Variants in DLEC1 observed in about 807,000 individuals in gnomAD.
DLEC1 encodes deleted in lung and esophageal cancer protein 1.
DLEC1 carries 146 observed loss-of-function variants against 198.1 expected under a neutral mutation model. The observed-to-expected ratio is 0.74, with a 90% CI of 0.64 to 0.85. DLEC1 has a LOEUF of 0.85. DLEC1 is among the 40% of genes least tolerant of loss of function. The probability of loss-of-function intolerance (pLI) is 0.00; values close to 1 mark genes in which losing one functional copy is unlikely to be tolerated. For missense variants in DLEC1, 2,233 were observed against 2,220.0 expected, an observed-to-expected ratio of 1.01 and a Z score of -0.12; for synonymous variants, 897 against 866.8, an observed-to-expected ratio of 1.03 and a Z score of -0.61.
Position 38,109,429 on chromosome 3 carries a change from T to C in DLEC1, c.3130-3T>C. The stretch of plus-strand genomic sequence containing the variant: ...TCTGACCCCTGGATGGGCTTTCTTA[T>C]AGGAAGAGCTGACCCATCTGGCCCT... On this transcript the variant is annotated splice_polypyrimidine_tract_variant and splice_region_variant and intron_variant, in intron 21 of 36. Transcript: ENST00000308059. 1.9e-6 allele frequency: 3 copies of C among 1,614,100 alleles called. No individual in the cohort carries two copies. Among genetic ancestry groups the C allele is most frequent in the Non-Finnish European group, 1.7e-6 (2 of 1,179,972 alleles).
chr3:38,085,216 C>T, intron 7 of DLEC1, 58 bp from the exon 8 acceptor site: 9 of 1,595,574 alleles, frequency 5.6e-6, no homozygotes, highest in Non-Finnish European at 7.7e-6. Context: ...CAGCTGAGCT[C>T]AAGCCCTGGT....
chr3:38,121,900 C>T, intron 35 of DLEC1, 119 bp downstream of exon 35: 1 of 1,513,344 alleles, frequency 6.6e-7, no homozygotes, highest in Non-Finnish European at 8.9e-7. Context: ...GCAGGCACCA[C>T]TTGGAATTTC....
At chr3:38,122,240 C>T (rs1226272011) in intron 36 of DLEC1, 46 bp downstream of exon 36, 29 of 1,608,542 alleles carry the variant, frequency 1.8e-5, no homozygotes, top group East Asian at 4.5e-5. Flanking sequence ...AGAGCCTGGA[C>T]CCCCTGCCCA....
At chr3:38,097,296 G>A in intron 16 of DLEC1, 21 bp downstream of exon 16, 1 of 1,565,834 alleles carries the variant, frequency 6.4e-7, no homozygotes, top group Non-Finnish European at 8.7e-7. Flanking sequence ...GACTGCAGGA[G>A]GGGTTGTGAC....
intron 2 of DLEC1, among the ~76,000 whole-genome samples, chr3:38,046,924 A>G (rs1432331496): frequency 6.6e-6 from 1 of 152,154 alleles, no homozygotes; most frequent in African/African-American, 2.4e-5. Flanking sequence ...CCAGACTTAT[A>G]TTCTGTAGGA....
intron 33 of DLEC1, among the ~76,000 whole-genome samples, chr3:38,119,827 C>T (rs889340362): frequency 6.6e-6 from 1 of 152,160 alleles, no homozygotes; most frequent in Non-Finnish European, 1.5e-5. Flanking sequence ...AGCCACTGCT[C>T]CCAGCAAATT....
chr3:38,082,596 C>T (rs1267381327), intron 6 of DLEC1, among the ~76,000 whole-genome samples: 1 of 152,138 alleles, frequency 6.6e-6, no homozygotes, highest in African/African-American at 2.4e-5. Context: ...ATTGGGGGTT[C>T]TTGCCCCCTA....
At chr3:38,054,208 A>C (rs76802412) in intron 2 of DLEC1, among the ~76,000 whole-genome samples, 1 of 71,464 alleles carries the variant, frequency 1.4e-5, no homozygotes, top group East Asian at 9.4e-4. Flanking sequence ...AAAAAAAAAA[A>C]CAAAACAAAA....
At chr3:38,057,428 G>A (rs1301286085) in intron 2 of DLEC1, among the ~76,000 whole-genome samples, 1 of 151,960 alleles carries the variant, frequency 6.6e-6, no homozygotes, top group African/African-American at 2.4e-5. Flanking sequence ...GGAAGCAGAA[G>A]TTGCAGTGAG....
At chr3:38,064,040 T>G in intron 6 of DLEC1, 121 bp downstream of exon 6, 14 of 646,490 alleles carry the variant, frequency 2.2e-5, no homozygotes, top group East Asian at 3.1e-5. Context: ...TTATTGATCA[T>G]TCTTGGGTGT....
chr3:38,055,388 A>G (rs1696303392), intron 2 of DLEC1, among the ~76,000 whole-genome samples: 1 of 152,218 alleles, frequency 6.6e-6, no homozygotes. Flanking sequence ...AGCACAAATT[A>G]CAGAGAGCAG....
At chr3:38,048,456 G>C (rs1242914601) in intron 2 of DLEC1, among the ~76,000 whole-genome samples, 1 of 152,244 alleles carries the variant, frequency 6.6e-6, no homozygotes, top group African/African-American at 2.4e-5. Context: ...GCCTTAAAAG[G>C]CATTTAAACT....
chr3:38,079,146 G>A lies in DLEC1; in HGVS notation c.1174-5012G>A, dbSNP rs1440477007. 2.6e-4 allele frequency among the ~76,000 whole-genome samples: 39 copies of A among 151,916 alleles called. 1 individual carries two copies. In the East Asian group the frequency reaches 5.8e-3, roughly 23 times the overall value. On this transcript the variant is annotated intron_variant, in intron 6 of 36. Coordinates refer to ENST00000308059, the MANE Select transcript of DLEC1 (RefSeq NM_007335.4). ...TAAGGTGGGGGAATACAAGAGGAGG[G>A]CCCAAAGGAGGCTTTGGATTGGGAA...
intron 6 of DLEC1, among the ~76,000 whole-genome samples, chr3:38,080,658 G>T (rs574782827): frequency 6.5e-4 from 99 of 152,264 alleles, no homozygotes; most frequent in African/African-American, 2.1e-3. Context: ...TAGGTCAGGT[G>T]TGAGTTGAAG....
In DLEC1 at chr3:38,108,446, C is replaced by T; in HGVS notation, c.3060C>T (p.Ser1020=). ...HQAEFCMVTV[S]PKHGLLGPSE... ...CAGAATTCTGCATGGTGACAGTCTC[C>T]CCCAAACATGGCCTGCTGGGCCCAA... Residue 1020 remains serine, a synonymous_variant, in exon 21 of 37, where the codon TCC becomes TCT. Transcript: ENST00000308059. The T allele has an allele frequency of 6.2e-7, 1 of 1,614,184 alleles. No homozygotes were observed. Among genetic ancestry groups the T allele is most frequent in the Non-Finnish European group, 8.5e-7 (1 of 1,180,022 alleles).
intron 19 of DLEC1, among the ~76,000 whole-genome samples, chr3:38,104,632 C>T (rs1699476199): frequency 6.6e-6 from 1 of 152,110 alleles, no homozygotes; most frequent in Admixed American, 6.5e-5. Flanking sequence ...GTAGTGATGT[C>T]CCCACTTTCA....
chr3:38,107,544 C>T lies in DLEC1; in HGVS notation c.2865-40C>T, dbSNP rs571800664. ...AGAAATAGGGACAGCTTTACTTCTT[C>T]TTTTCTAATCAGTATGCCTTTTGTT... On this transcript the variant is annotated intron_variant, in intron 19 of 36. Transcript: ENST00000308059. The T allele has an allele frequency of 2.0e-6, 3 of 1,513,442 alleles. No homozygotes were observed. In the African/African-American group the frequency reaches 4.2e-5, roughly 21 times the overall value. The allele number at this position is 1,513,442 out of a possible 1,614,324, so 93.8% of individuals were successfully genotyped here.
Position 38,112,189 on chromosome 3 carries a change from A to T in DLEC1, c.3515-21A>T. 1 of 1,613,880 alleles carries T rather than the reference A, an allele frequency of 6.2e-7. No individual in the cohort carries two copies. The highest frequency in any genetic ancestry group is 8.5e-7 in the Non-Finnish European group (1 of 1,179,872). ...CCAACCCCAGGCCCGTGAATCCCCC[A>T]CAGTCGCGGTTCTTTCCCAGATTTT... On this transcript the variant is annotated intron_variant, in intron 24 of 36. Transcript: ENST00000308059. This position sits in a 1 kb window ranked among gnomAD's most constrained non-coding sequence, Gnocchi z 4.8.
intron 6 of DLEC1, among the ~76,000 whole-genome samples, chr3:38,079,120 T>C (rs1183261010): frequency 6.6e-6 from 1 of 151,768 alleles, no homozygotes; most frequent in African/African-American, 2.4e-5. Context: ...TACTTGTGGG[T>C]TAAGGTGGGG....
Sources: allele counts gnomAD v4.1 joint callset (sites outside exome capture counted in the v4.1 genomes callset), GRCh38; gene constraint gnomAD v4.1.1; non-coding constraint Gnocchi (gnomAD v3.1); transcripts MANE v1.5; gene names NCBI Gene and HGNC (gene_info 2026-07-23, HGNC 2026-07-21).